The following HUWE1 variants were observed in gnomAD, a reference collection of about 807,000 sequenced individuals.
HUWE1 encodes HECT, UBA and WWE domain containing E3 ubiquitin protein ligase 1.
HUWE1 carries 18 observed loss-of-function variants against 299.4 expected under a neutral mutation model. The ratio of observed to expected loss-of-function variants is 0.06; its 90% CI spans 0.04 to 0.09. The LOEUF (loss-of-function observed/expected upper bound fraction) is 0.09, where lower values mean the gene tolerates loss of function less well. HUWE1 is among the 10% of genes least tolerant of loss of function. The pLI, the probability that HUWE1 is intolerant of heterozygous loss-of-function variation, is 1.00. For missense variants in HUWE1, 1,832 were observed against 3,462.3 expected (o/e 0.53, Z 11.82); for synonymous variants, 1,317 against 1,286.1 (o/e 1.02, Z -0.51).
chrX:53,635,217 G>T (rs1483885120), intron 7 of HUWE1, among the ~76,000 whole-genome samples: 4 of 108,388 alleles, frequency 3.7e-5, no homozygotes, highest in Non-Finnish European at 7.7e-5. Context: ...CATATAAAAA[G>T]ATATTTTGTA....
rs1556938145 is a variant in HUWE1, at chrX:53,558,993, C to T, written c.7983G>A (p.Glu2661=). ...CACCTGAAACACAGTCATGCATGCT[C>T]TCAGCATCGAGAACTTTGCATTCTT... ...WTEECKVLDA[E]SMHDCVSVVK... is the part of the protein sequence containing the mutation. The change falls in exon 58 of 84, where the codon GAG becomes GAA. Residue 2661 remains glutamate (E), a synonymous_variant. Transcript: ENST00000262854. 8.5e-7 allele frequency: 1 copy of T among 1,181,036 alleles called. No individual in the cohort carries two copies. The highest frequency in any genetic ancestry group is 1.1e-6 in the Non-Finnish European group (1 of 880,008).
chrX:53,596,145 C>T (rs1266487312), intron 29 of HUWE1, among the ~76,000 whole-genome samples: 2 of 111,472 alleles, frequency 1.8e-5, no homozygotes, highest in Admixed American at 9.5e-5. Flanking sequence ...TTTCATGAAA[C>T]GTTATTTCAT....
chrX:53,639,717 T>A (rs1036988283), intron 7 of HUWE1, among the ~76,000 whole-genome samples: 2 of 112,276 alleles, frequency 1.8e-5, no homozygotes, highest in Non-Finnish European at 3.8e-5. Flanking sequence ...TATAAAATAA[T>A]GCATGTGTAA....
rs200478403 is a variant in HUWE1 at position 53,670,329 on chromosome X, GGA to G, written c.-25+9718_-25+9719del. 8.8e-3 allele frequency among the ~76,000 whole-genome samples: 985 copies of G among 111,875 alleles called. 6 individuals are homozygous for G. The highest frequency in any genetic ancestry group is 0.03 in the African/African-American group (933 of 30,746). ...ATTTAGAAATAAAGTTCAGTTTTAA[GGA>G]GAGATAAAACATAGTGAAAACAATA... On this transcript the variant is annotated intron_variant, in intron 3 of 83. Transcript: ENST00000262854.
At chrX:53,614,836 T>C in intron 22 of HUWE1, 91 bp from the exon 23 acceptor site, 2 of 600,871 alleles carry the variant, frequency 3.3e-6, no homozygotes, top group Non-Finnish European at 5.5e-6. Context: ...TTCTATGTGT[T>C]GTGTATTTGC....
rs782281405 is a variant in HUWE1 at position 53,628,827 on chromosome X, T to C, written c.1039A>G (p.Ile347Val). ...TAGGAGGCAGTTCCAGTACAGTCAA[T>C]AATACTGCTGAGTTTGGGAGTTCTC... Reference protein sequence around the residue: ...LERTPKLSSIIDCTGTASYHG... With the variant: ...LERTPKLSSIVDCTGTASYHG... Residue 347 changes from isoleucine to valine, a missense_variant, in exon 14 of 84, where the codon ATT (isoleucine) becomes GTT (valine). Transcript: ENST00000262854. 8.3e-7 allele frequency: 1 copy of C among 1,209,275 alleles called. No individual in the cohort carries two copies. Among genetic ancestry groups the C allele is most frequent in the Admixed American group, 2.2e-5 (1 of 46,066 alleles).
Position 53,547,742 on chromosome X carries a change from T to C in HUWE1, c.10567A>G (p.Ile3523Val), listed in dbSNP as rs2147214004. The change falls in exon 68 of 84, where the codon ATT becomes GTT. Residue 3523 changes from isoleucine to valine, a missense_variant. Physicochemically the swap from Ile to Val is conservative, Grantham distance 29. Around this residue, in one of 15 missense-constraint regions of HUWE1, gnomAD observed 119 missense variants for 124.6 expected, o/e 0.96. Coordinates refer to ENST00000262854, the MANE Select transcript of HUWE1 (RefSeq NM_031407.7). ...SAPALVAATAISTIVVAASTT... is the reference protein window; with the variant it reads ...SAPALVAATAVSTIVVAASTT... ...GAAGCAGCTACGACAATGGTGGAAA[T>C]AGCCGTGGCAGCAACCAGGGCTGGA... The C allele has an allele frequency of 2.5e-6, 3 of 1,205,242 alleles. No homozygotes were observed. Among genetic ancestry groups the C allele is most frequent in the Non-Finnish European group, 3.4e-6 (3 of 891,640 alleles).
chrX:53,558,039 GATACACTGTAATGTATA>G (rs2062109166), intron 59 of HUWE1, among the ~76,000 whole-genome samples: 1 of 111,488 alleles, frequency 9.0e-6, no homozygotes, highest in African/African-American at 3.3e-5. Flanking sequence ...TATATCAAGT[GATACACTGTAATGTATA>G]ATTCTATCAA....
chrX:53,636,389 A>C (rs1006853289), intron 7 of HUWE1, among the ~76,000 whole-genome samples: 1 of 112,812 alleles, frequency 8.9e-6, no homozygotes, highest in Non-Finnish European at 1.9e-5. Flanking sequence ...ATGAGACAAG[A>C]ATCTGTAAAA....
At chrX:53,662,207 T>C (rs1312091799) in intron 3 of HUWE1, among the ~76,000 whole-genome samples, 2 of 110,945 alleles carry the variant, frequency 1.8e-5, no homozygotes, top group African/African-American at 3.3e-5. Flanking sequence ...AGGTGATCCA[T>C]ATAACAAAGT....
intron 22 of HUWE1, 51 bp downstream of exon 22, chrX:53,615,693 T>TC: frequency 1.0e-6 from 1 of 1,003,088 alleles, no homozygotes; most frequent in African/African-American, 1.9e-5. Context: ...TCTAAAACCT[T>TC]CCCCTTCTCT....
chrX:53,643,395 C>A (rs1041488590), intron 7 of HUWE1, among the ~76,000 whole-genome samples: 4 of 110,235 alleles, frequency 3.6e-5, no homozygotes, highest in East Asian at 2.8e-4. Context: ...TGTCACACAG[C>A]CTGGAATGCA....
At chrX:53,645,733 AAAAATATATATATATATATAT>A (rs2067954718) in intron 6 of HUWE1, among the ~76,000 whole-genome samples, 1 of 19,473 alleles carries the variant, frequency 5.1e-5, no homozygotes. Context: ...AAAAAAAAAA[AAAAATATATATATATATATAT>A]ATATATATAT....
chrX:53,632,681 T>C (rs2066951227), intron 8 of HUWE1, 117 bp from the exon 9 acceptor site: 3 of 558,122 alleles, frequency 5.4e-6, no homozygotes, highest in Middle Eastern at 6.9e-4. Context: ...GGCAGAAGAA[T>C]AAGCAGTACA....
chrX:53,552,488 T>C (rs1556930065), intron 62 of HUWE1, 47 bp from the exon 63 acceptor site: 21 of 1,207,004 alleles, frequency 1.7e-5, no homozygotes, highest in Non-Finnish European at 2.2e-5. Context: ...TGTCTTCTCG[T>C]TTATAAAACA....
chrX:53,592,285 C>A, intron 33 of HUWE1, 113 bp downstream of exon 33: 1 of 579,546 alleles, frequency 1.7e-6, no homozygotes. Flanking sequence ...TCTAAACTGT[C>A]TCCTGGTTAA....
intron 43 of HUWE1, among the ~76,000 whole-genome samples, chrX:53,578,358 G>A (rs1198508247): frequency 1.9e-5 from 2 of 106,822 alleles, no homozygotes; most frequent in Non-Finnish European, 3.9e-5. Context: ...GGAGGTGGGG[G>A]GGGGTCAGCC....
At position 53,540,788 on chromosome X, in the gene HUWE1, T is replaced by A. The variant is rs1437248090; in HGVS notation, c.11477-976A>T. On this transcript the variant is annotated intron_variant, in intron 74 of 83. Coordinates refer to ENST00000262854, the MANE Select transcript of HUWE1 (RefSeq NM_031407.7). ...AGCTAAGCAGCAAGACACAACCCCA[T>A]CTTCTGGGTGGGGAGTAAGTGACTG... Among the ~76,000 whole-genome samples, 3 of 111,340 alleles carry A rather than the reference T, an allele frequency of 2.7e-5. No individual in the cohort carries two copies. The Admixed American group carries it at 2.9e-4, about 11-fold the overall frequency.
intron 68 of HUWE1, 33 bp from the exon 69 acceptor site, chrX:53,546,858 C>T: frequency 8.4e-7 from 1 of 1,191,094 alleles, no homozygotes. Context: ...CTGTAAGCCT[C>T]TCTGAAACTC....
Sources: allele counts gnomAD v4.1 joint callset (sites outside exome capture counted in the v4.1 genomes callset), GRCh38; gene constraint gnomAD v4.1.1; regional missense constraint gnomAD v4.1.1; transcripts MANE v1.5; gene names NCBI Gene and HGNC (gene_info 2026-07-23, HGNC 2026-07-21).